MAP4K4: variants seen among roughly 807,000 people sequenced by gnomAD.
MAP4K4 encodes mitogen-activated protein kinase kinase kinase kinase 4.
A neutral mutation model predicts 189.6 loss-of-function variants in MAP4K4; 38 were observed. The ratio of observed to expected loss-of-function variants is 0.20; its 90% CI spans 0.15 to 0.26. The LOEUF is 0.26. Ranked by LOEUF, MAP4K4 falls within the 10% of genes least tolerant of loss-of-function variation. The pLI, the probability that MAP4K4 is intolerant of heterozygous loss-of-function variation, is 1.00. For missense variants in MAP4K4, 1,054 were observed against 1,726.9 expected (o/e 0.61, Z 6.91); for synonymous variants, 610 against 624.3 (o/e 0.98, Z 0.34).
At chr2:101,854,673 G>A (rs920874208) in intron 12 of MAP4K4, among the ~76,000 whole-genome samples, 1 of 152,126 alleles carries the variant, frequency 6.6e-6, no homozygotes. Context: ...GACCCAGAAG[G>A]AATACTTAAA....
rs532256849 is a variant in MAP4K4, at chr2:101,878,072, G to T, written c.3385+926G>T. 5.3e-5 allele frequency among the ~76,000 whole-genome samples: 8 copies of T among 152,250 alleles called. No individual in the cohort carries two copies. In the East Asian group the frequency reaches 1.2e-3, roughly 22 times the overall value. On this transcript the variant is annotated intron_variant, in intron 27 of 32. Transcript: ENST00000324219. Reference sequence around the variant, plus strand: ...CCAATTATGTCTCTTTTTAAGAAGAGCATTTTTCTTAGTATAAATTGTGTA... The same window carrying T: ...CCAATTATGTCTCTTTTTAAGAAGATCATTTTTCTTAGTATAAATTGTGTA...
At chr2:101,740,169 T>A (rs1458022054) in intron 2 of MAP4K4, among the ~76,000 whole-genome samples, 7 of 99,844 alleles carry the variant, frequency 7.0e-5, no homozygotes, top group African/African-American at 3.3e-4. Flanking sequence ...TTTTTTTTTT[T>A]TTGAGACGGA....
At chr2:101,864,842 A>G (rs2097769365) in intron 17 of MAP4K4, 88 bp from the exon 18 acceptor site, 1 of 839,696 alleles carries the variant, frequency 1.2e-6, no homozygotes, top group African/African-American at 1.7e-5. Context: ...AAATATTAGG[A>G]CTGCTTTAAA....
rs542753861 is a variant in MAP4K4 at position 101,804,559 on chromosome 2, C to CT, written c.180+13784dup. 4.1e-4 allele frequency among the ~76,000 whole-genome samples: 63 copies of CT among 152,272 alleles called. 2 individuals carry two copies. The South Asian group carries it at 0.013, about 31-fold the overall frequency. On this transcript the variant is annotated intron_variant, in intron 3 of 32. Transcript: ENST00000324219. ...CCCAGCATGTCCAGGGGTCTTTTCT[C>CT]TGAGCACAGGAACCTTGTGCCAGTT...
intron 2 of MAP4K4, among the ~76,000 whole-genome samples, chr2:101,774,147 C>T (rs1558855181): frequency 6.6e-6 from 1 of 152,174 alleles, no homozygotes; most frequent in Non-Finnish European, 1.5e-5. Flanking sequence ...AATGGTTCTC[C>T]ATAGTAGTTG....
intron 2 of MAP4K4, among the ~76,000 whole-genome samples, chr2:101,720,185 GTTT>G (rs35562520): frequency 3.7e-5 from 5 of 136,400 alleles, no homozygotes; most frequent in Non-Finnish European, 3.2e-5. Context: ...GGTCAGTGGT[GTTT>G]TTTTTTTTTT....
At chr2:101,767,124 G>A (rs1162238829) in intron 2 of MAP4K4, among the ~76,000 whole-genome samples, 2 of 152,144 alleles carry the variant, frequency 1.3e-5, no homozygotes, top group African/African-American at 4.8e-5. Context: ...ACATCTAATT[G>A]GTTGTGGAAG....
At chr2:101,885,728 T>C (rs1309280191) in intron 29 of MAP4K4, among the ~76,000 whole-genome samples, 3 of 152,238 alleles carry the variant, frequency 2.0e-5, no homozygotes, top group East Asian at 1.9e-4. Context: ...CAACATTATA[T>C]ACTAAGTGAA....
intron 10 of MAP4K4, among the ~76,000 whole-genome samples, chr2:101,840,295 A>G (rs1271685335): frequency 1.3e-5 from 2 of 152,048 alleles, no homozygotes; most frequent in African/African-American, 4.8e-5. Context: ...GGATGTGTTC[A>G]TGGTATATTT....
At chr2:101,721,940 A>C (rs1268236580) in intron 2 of MAP4K4, among the ~76,000 whole-genome samples, 4 of 152,318 alleles carry the variant, frequency 2.6e-5, no homozygotes, top group African/African-American at 9.6e-5. Context: ...TCTTCAGCTG[A>C]TAGCAACTTC....
chr2:101,810,288 C>A (rs1414548995), intron 3 of MAP4K4, among the ~76,000 whole-genome samples: 2 of 151,014 alleles, frequency 1.3e-5, no homozygotes, highest in Non-Finnish European at 2.9e-5. Flanking sequence ...TTCCATAGTA[C>A]CCCTGTGGGT....
intron 21 of MAP4K4, 26 bp downstream of exon 21, chr2:101,868,063 A>T: frequency 6.2e-7 from 1 of 1,609,450 alleles, no homozygotes; most frequent in Non-Finnish European, 8.5e-7. Context: ...GAAAAGTTCC[A>T]CTTCAGAGCA....
At chr2:101,837,334 T>C (rs185501737) in intron 9 of MAP4K4, among the ~76,000 whole-genome samples, 5 of 152,146 alleles carry the variant, frequency 3.3e-5, no homozygotes, top group African/African-American at 2.4e-5. Flanking sequence ...TTCATACCAG[T>C]TTTCTTCATG....
rs1327557201 is a variant in MAP4K4, at chr2:101,828,074, A to G, written c.418-1430A>G. 2.0e-5 allele frequency among the ~76,000 whole-genome samples: 3 copies of G among 152,218 alleles called. 1 individual carries two copies. The East Asian group carries it at 5.8e-4, about 29-fold the overall frequency. ...CATATAACATTGTTTCAGAGCTGCT[A>G]GACACACCTTAATTCCCTGTAGAAG... On this transcript the variant is annotated intron_variant, in intron 5 of 32. Coordinates refer to ENST00000324219, the Ensembl canonical transcript of MAP4K4.
intron 9 of MAP4K4, 67 bp from the exon 10 acceptor site, chr2:101,839,752 A>C: frequency 1.6e-6 from 2 of 1,217,406 alleles, no homozygotes; most frequent in Non-Finnish European, 2.3e-6. Context: ...GAGGCTTGTA[A>C]GTTACTGATA....
intron 2 of MAP4K4, among the ~76,000 whole-genome samples, chr2:101,743,067 A>T (rs1052299902): frequency 4.6e-5 from 7 of 152,174 alleles, no homozygotes; most frequent in African/African-American, 1.2e-4. Flanking sequence ...GCTTGGGAAG[A>T]CTGGTGAGAC....
intron 2 of MAP4K4, among the ~76,000 whole-genome samples, chr2:101,762,699 G>A (rs1369572745): frequency 6.6e-6 from 1 of 152,152 alleles, no homozygotes; most frequent in African/African-American, 2.4e-5. Flanking sequence ...AACCCCCCAA[G>A]CATGTGTTGC....
intron 2 of MAP4K4, among the ~76,000 whole-genome samples, chr2:101,726,380 A>T (rs879027853): frequency 2.0e-5 from 3 of 152,234 alleles, no homozygotes; most frequent in African/African-American, 7.2e-5. Context: ...TTAGACAGGT[A>T]AATGTGGACA....
intron 29 of MAP4K4, 48 bp downstream of exon 29, chr2:101,885,335 C>A (rs374499764): frequency 1.8e-6 from 2 of 1,085,100 alleles, no homozygotes; most frequent in Non-Finnish European, 2.7e-6. Context: ...ATTCAAGCTG[C>A]AACCAAGAGT....
Sources: allele counts gnomAD v4.1 joint callset (sites outside exome capture counted in the v4.1 genomes callset), GRCh38; gene constraint gnomAD v4.1.1; transcripts MANE v1.5; gene names NCBI Gene and HGNC (gene_info 2026-07-23, HGNC 2026-07-21).